Variants in METTL15 observed in about 807,000 individuals in gnomAD.
METTL15 encodes the protein methyltransferase 15, mitochondrial 12S rRNA N4-cytidine.
METTL15 carries 34 observed loss-of-function variants against 38.3 expected under a neutral mutation model. That is an observed-to-expected ratio of 0.89 (90% CI 0.68 to 1.18). METTL15 has a LOEUF of 1.18. Ranked by LOEUF, METTL15 falls within the 50% of genes most tolerant of loss-of-function variation. The pLI, the probability that METTL15 is intolerant of heterozygous loss-of-function variation, is 0.00. For synonymous variants in METTL15, 162 were observed against 170.9 expected (o/e 0.95, Z 0.41); for missense variants, 438 against 498.4 (o/e 0.88, Z 1.15).
intron 3 of METTL15, among the ~76,000 whole-genome samples, chr11:28,173,797 C>A (rs771115879): frequency 5.9e-5 from 9 of 152,086 alleles, no homozygotes; most frequent in Non-Finnish European, 1.0e-4. Flanking sequence ...TTTTTGAAGA[C>A]CTTCGTGGTT....
chr11:28,276,929 G>A (rs900404095), intron 4 of METTL15, among the ~76,000 whole-genome samples: 2 of 152,108 alleles, frequency 1.3e-5, no homozygotes, highest in African/African-American at 2.4e-5. Flanking sequence ...CATGAATTAA[G>A]TTAAACGTGA....
chr11:28,473,121 A>G (rs1019986166), intron 6 of METTL15, among the ~76,000 whole-genome samples: 4 of 152,168 alleles, frequency 2.6e-5, no homozygotes, highest in African/African-American at 9.7e-5. Context: ...TTGACATTCA[A>G]CAGCTGAGAT....
intron 4 of METTL15, among the ~76,000 whole-genome samples, chr11:28,358,766 T>C (rs983828069): frequency 6.6e-6 from 1 of 152,180 alleles, no homozygotes; most frequent in African/African-American, 2.4e-5. Context: ...GTAAAGACAC[T>C]AAAGATGTGT....
intron 3 of METTL15, among the ~76,000 whole-genome samples, chr11:28,159,926 G>A (rs1850395802): frequency 6.6e-6 from 1 of 152,232 alleles, no homozygotes; most frequent in Non-Finnish European, 1.5e-5. Flanking sequence ...TTGGATTGAA[G>A]GATACAAAGT....
intron 3 of METTL15, among the ~76,000 whole-genome samples, chr11:28,343,947 AGAAAT>A (rs1436365353): frequency 6.6e-6 from 1 of 152,236 alleles, no homozygotes; most frequent in East Asian, 1.9e-4. Flanking sequence ...AAAGAAATAA[AGAAAT>A]GAATGAAGTT....
chr11:28,381,938 A>G (rs902087860), intron 5 of METTL15, among the ~76,000 whole-genome samples: 1 of 151,548 alleles, frequency 6.6e-6, no homozygotes, highest in Non-Finnish European at 1.5e-5. Flanking sequence ...GTGTGGATGT[A>G]CATTTATGTC....
chr11:28,267,998 C>A (rs1855494001), intron 4 of METTL15, among the ~76,000 whole-genome samples: 1 of 151,698 alleles, frequency 6.6e-6, no homozygotes, highest in Non-Finnish European at 1.5e-5. Context: ...GAGATCGAGA[C>A]CATCCCGGCT....
intron 6 of METTL15, among the ~76,000 whole-genome samples, chr11:28,428,524 G>T (rs116487390): frequency 0.018 from 2,712 of 152,226 alleles, 82 homozygotes; most frequent in African/African-American, 0.061. Flanking sequence ...TCTTCTACAT[G>T]CAGAGCTCTA....
intron 5 of METTL15, among the ~76,000 whole-genome samples, chr11:28,369,170 T>C (rs965940494): frequency 2.0e-5 from 3 of 151,084 alleles, no homozygotes; most frequent in Non-Finnish European, 4.4e-5. Flanking sequence ...AATAAAAATT[T>C]ATTAGTGAAG....
chr11:28,506,841 C>G (rs1282118530), intron 6 of METTL15, among the ~76,000 whole-genome samples: 1 of 148,080 alleles, frequency 6.8e-6, no homozygotes, highest in African/African-American at 2.5e-5. Context: ...GCCTCCTGGG[C>G]TTAAGTGATC....
At chr11:28,176,997 CCTTT>C (rs1851101495) in intron 3 of METTL15, among the ~76,000 whole-genome samples, 2 of 151,968 alleles carry the variant, frequency 1.3e-5, no homozygotes, top group African/African-American at 4.8e-5. Context: ...AAACTTTTTG[CCTTT>C]CTTTTATAAA....
chr11:28,408,285 C>T (rs1397419574), intron 5 of METTL15, among the ~76,000 whole-genome samples: 1 of 152,080 alleles, frequency 6.6e-6, no homozygotes, highest in African/African-American at 2.4e-5. Flanking sequence ...CAAACCTGCA[C>T]GTCCTGCATA....
At chr11:28,128,394 ATAGT>A (rs1039150233) in intron 3 of METTL15, among the ~76,000 whole-genome samples, 1 of 152,128 alleles carries the variant, frequency 6.6e-6, no homozygotes, top group African/African-American at 2.4e-5. Context: ...GAAATTGAAA[ATAGT>A]TTGTATGAGA....
In METTL15 at chr11:28,211,004, T is replaced by C. The variant is rs1189694038; in HGVS notation, c.271-58T>C. 22 of 1,517,960 alleles carry C rather than the reference T, an allele frequency of 1.4e-5. No individual in the cohort carries two copies. The South Asian group carries it at 2.6e-4, about 18-fold the overall frequency. 94.0% of individuals were successfully genotyped at this position (1,517,960 alleles called of 1,614,324 possible). On this transcript the variant is annotated intron_variant, in intron 3 of 6. Transcript: ENST00000407364. ...GTGTGCTTCTAGAAATTGAGATAGTTGTCAAGAATAAGTTTTGTTTATGCT... is the reference window on the plus strand; with the variant it reads ...GTGTGCTTCTAGAAATTGAGATAGTCGTCAAGAATAAGTTTTGTTTATGCT...
intron 6 of METTL15, among the ~76,000 whole-genome samples, chr11:28,486,668 A>G (rs1282930950): frequency 6.6e-6 from 1 of 152,152 alleles, no homozygotes; most frequent in African/African-American, 2.4e-5. Context: ...GTAGCAATAA[A>G]TCCAAGCTGG....
chr11:28,499,383 C>T (rs1022186140), intron 6 of METTL15, among the ~76,000 whole-genome samples: 1 of 152,088 alleles, frequency 6.6e-6, no homozygotes, highest in African/African-American at 2.4e-5. Flanking sequence ...AATAAGAAGT[C>T]CTTTGTAACT....
chr11:28,370,384 C>A (rs897747611), intron 5 of METTL15, among the ~76,000 whole-genome samples: 1 of 151,868 alleles, frequency 6.6e-6, no homozygotes, highest in African/African-American at 2.4e-5. Flanking sequence ...CTGCAAATGA[C>A]AGGATTTTAT....
intron 5 of METTL15, among the ~76,000 whole-genome samples, chr11:28,294,499 A>T (rs1856653779): frequency 6.6e-6 from 1 of 152,166 alleles, no homozygotes; most frequent in African/African-American, 2.4e-5. Context: ...CAGCTTTCAG[A>T]TTATAGTAAG....
chr11:28,362,099 T>C (rs1850144492), intron 5 of METTL15: 1 of 152,202 alleles, frequency 6.6e-6, no homozygotes, highest in Admixed American at 6.5e-5. Flanking sequence ...GGCACTATCC[T>C]AAACACCAGT....
Sources: allele counts gnomAD v4.1 joint callset (sites outside exome capture counted in the v4.1 genomes callset), GRCh38; gene constraint gnomAD v4.1.1; transcripts MANE v1.5; gene names NCBI Gene and HGNC (gene_info 2026-07-23, HGNC 2026-07-21).